Variants in ASPH observed in about 807,000 individuals in gnomAD.
The protein encoded by ASPH is aspartyl/asparaginyl beta-hydroxylase.
A neutral mutation model predicts 118.4 loss-of-function variants in ASPH; 100 were observed. The observed-to-expected ratio is 0.84, with a 90% confidence interval of 0.72 to 1.00. The LOEUF (loss-of-function observed/expected upper bound fraction) is 1.00. Among genes scored for constraint, ASPH ranks in the 50% least tolerant of loss-of-function variants. The pLI is 0.00. For synonymous variants in ASPH, 315 were observed against 325.6 expected, an observed-to-expected ratio of 0.97 and a Z score of 0.35; for missense variants, 920 against 919.5, an observed-to-expected ratio of 1.00 and a Z score of -0.01.
intron 24 of ASPH, among the ~76,000 whole-genome samples, chr8:61,516,373 C>T (rs111502005): frequency 0.022 from 3,395 of 152,244 alleles, 51 homozygotes; most frequent in South Asian, 0.065. Flanking sequence ...GCAGACACAC[C>T]TTGCTAGGTG....
Position 61,526,103 on chromosome 8 carries a change from T to C in ASPH, c.1774A>G (p.Arg592Gly). ...GYTELVKSLERNWKLIRDEGL... is the reference protein window; with the variant it reads ...GYTELVKSLEGNWKLIRDEGL... Reference sequence around the variant, plus strand: ...TCATCTCGGATTAACTTCCAGTTTCTTTCTAAAGACTAGAGGGAAGATTCT... The same window carrying C: ...TCATCTCGGATTAACTTCCAGTTTCCTTCTAAAGACTAGAGGGAAGATTCT... The change falls in exon 22 of 25, where the codon AGA becomes GGA. Residue 592 changes from arginine to glycine, a missense_variant. Arg to Gly is a moderately radical substitution (Grantham distance 125). Coordinates refer to ENST00000379454, the MANE Select transcript of ASPH (RefSeq NM_004318.4). 6.2e-7 allele frequency: 1 copy of C among 1,614,028 alleles called. No individual in the cohort carries two copies. Among genetic ancestry groups the C allele is most frequent in the Non-Finnish European group, 8.5e-7 (1 of 1,179,904 alleles).
intron 21 of ASPH, among the ~76,000 whole-genome samples, chr8:61,538,881 A>G (rs562585906): frequency 6.1e-4 from 93 of 152,350 alleles, no homozygotes; most frequent in African/African-American, 2.1e-3. Flanking sequence ...AAACTGGGAA[A>G]AGAATGCAGT....
intron 13 of ASPH, among the ~76,000 whole-genome samples, chr8:61,627,884 T>C (rs141763371): frequency 7.0e-4 from 107 of 152,266 alleles, no homozygotes; most frequent in African/African-American, 2.3e-3. Flanking sequence ...ATTAACATTC[T>C]GCCATTCATT....
intron 2 of ASPH, among the ~76,000 whole-genome samples, chr8:61,681,990 TA>T (rs928005135): frequency 1.8e-4 from 28 of 151,470 alleles, no homozygotes; most frequent in African/African-American, 1.5e-4. Flanking sequence ...GCATTAGTAC[TA>T]AAAAAAAATT....
At chr8:61,624,633 G>C (rs1229102712) in intron 13 of ASPH, 6 of 985,154 alleles carry the variant, frequency 6.1e-6, no homozygotes, top group Non-Finnish European at 7.2e-6. Context: ...GCACATATTT[G>C]TAAAGACAAG....
intron 14 of ASPH, among the ~76,000 whole-genome samples, chr8:61,600,054 C>T (rs758108193): frequency 2.6e-5 from 4 of 152,018 alleles, no homozygotes; most frequent in African/African-American, 7.3e-5. Context: ...TAAAAAATAA[C>T]AGACCATGAT....
At chr8:61,575,710 C>T (rs1416566446) in intron 16 of ASPH, among the ~76,000 whole-genome samples, 1 of 152,156 alleles carries the variant, frequency 6.6e-6, no homozygotes, top group East Asian at 1.9e-4. Context: ...GTTTTGACAT[C>T]TTAAAAAAAC....
At chr8:61,644,100 C>T (rs1042749862) in intron 7 of ASPH, 99 bp from the exon 8 acceptor site, 9 of 914,476 alleles carry the variant, frequency 9.8e-6, no homozygotes, top group Admixed American at 2.2e-5. Context: ...GATTGAAATG[C>T]AAAATCAAGT....
chr8:61,554,196 G>A (rs2131173400), intron 19 of ASPH, among the ~76,000 whole-genome samples: 1 of 152,352 alleles, frequency 6.6e-6, no homozygotes, highest in East Asian at 1.9e-4. Flanking sequence ...TGAAGTGCTT[G>A]ACAGGGGTCC....
intron 16 of ASPH, among the ~76,000 whole-genome samples, chr8:61,572,782 C>G (rs1018873480): frequency 1.3e-5 from 2 of 152,052 alleles, no homozygotes; most frequent in African/African-American, 4.8e-5. Context: ...GCAAACTTTA[C>G]AAAAAACAAC....
At chr8:61,687,189 A>G (rs2151733403) in intron 1 of ASPH, among the ~76,000 whole-genome samples, 1 of 152,304 alleles carries the variant, frequency 6.6e-6, no homozygotes, top group Middle Eastern at 3.4e-3. Flanking sequence ...TCTCTCTTAA[A>G]GGGAAATGGA....
At position 61,644,591 on chromosome 8, in the gene ASPH, A is replaced by T; in HGVS notation, c.652+9T>A. On this transcript the variant is annotated intron_variant, in intron 7 of 24. Coordinates refer to ENST00000379454, the MANE Select transcript of ASPH (RefSeq NM_004318.4). ...TCTAATTAAGAACAGAATTAAATTAAAATCTCACCTGTCTCTTCCACGTGG... is the reference window on the plus strand; with the variant it reads ...TCTAATTAAGAACAGAATTAAATTATAATCTCACCTGTCTCTTCCACGTGG... 1 of 1,575,558 alleles carries T rather than the reference A, an allele frequency of 6.3e-7. No individual in the cohort carries two copies. Among genetic ancestry groups the T allele is most frequent in the Non-Finnish European group, 8.6e-7 (1 of 1,161,956 alleles).
chr8:61,698,377 C>T (rs1024408319), intron 1 of ASPH, among the ~76,000 whole-genome samples: 1 of 152,202 alleles, frequency 6.6e-6, no homozygotes, highest in African/African-American at 2.4e-5. Context: ...CGATTTACTA[C>T]ATATGGAAAA....
intron 3 of ASPH, among the ~76,000 whole-genome samples, chr8:61,655,741 A>G (rs1411850527): frequency 1.3e-5 from 2 of 152,226 alleles, no homozygotes. Context: ...AACAGGAGAA[A>G]GCAAAAGCAC....
intron 3 of ASPH, among the ~76,000 whole-genome samples, chr8:61,680,367 G>C (rs1173475233): frequency 6.6e-6 from 1 of 151,730 alleles, no homozygotes; most frequent in Non-Finnish European, 1.5e-5. Flanking sequence ...ACAAATAAGG[G>C]AATACCACAT....
chr8:61,707,020 C>T (rs912631934), intron 1 of ASPH, among the ~76,000 whole-genome samples: 8 of 152,150 alleles, frequency 5.3e-5, no homozygotes, highest in Non-Finnish European at 7.4e-5. Flanking sequence ...CGTTTCAGAT[C>T]TTTTAGAGGA....
intron 16 of ASPH, 196 bp downstream of exon 16, chr8:61,576,573 ATGG>A: frequency 2.1e-6 from 1 of 476,058 alleles, no homozygotes. Context: ...GAGAAGTCAT[ATGG>A]AGGGGGAGCA....
intron 8 of ASPH, 125 bp downstream of exon 8, chr8:61,643,820 A>G (rs1341544850): frequency 1.3e-6 from 1 of 769,922 alleles, no homozygotes; most frequent in East Asian, 2.7e-5. Context: ...TGACCAATCA[A>G]AAGTGATTAT....
In ASPH at chr8:61,559,782, A is replaced by G. The variant is rs183019543; in HGVS notation, c.1437+2962T>C. Among the ~76,000 whole-genome samples the G allele has an allele frequency of 1.6e-3, 247 of 152,346 alleles. 1 individual carries two copies. Among genetic ancestry groups the G allele is most frequent in the Middle Eastern group, 6.8e-3 (2 of 294 alleles). On this transcript the variant is annotated intron_variant, in intron 18 of 24. Transcript: ENST00000379454. Reference sequence around the variant, plus strand: ...GGGTACATACATGTACACATAACATATAAGTACATAAACATATCTCAGGCA... The same window carrying G: ...GGGTACATACATGTACACATAACATGTAAGTACATAAACATATCTCAGGCA...
Sources: allele counts gnomAD v4.1 joint callset (sites outside exome capture counted in the v4.1 genomes callset), GRCh38; gene constraint gnomAD v4.1.1; transcripts MANE v1.5; gene names NCBI Gene and HGNC (gene_info 2026-07-23, HGNC 2026-07-21).